USH2A: variants seen among roughly 807,000 people sequenced by gnomAD.
The protein encoded by USH2A is usherin.
A neutral mutation model predicts 538.9 loss-of-function variants in USH2A; 443 were observed. The ratio of observed to expected loss-of-function variants is 0.82; its 90% CI spans 0.76 to 0.89. USH2A has a LOEUF of 0.89. Ranked by LOEUF, USH2A falls within the 40% of genes least tolerant of loss-of-function variation. The probability of loss-of-function intolerance (pLI) is 0.00; values close to 1 mark genes in which losing one functional copy is unlikely to be tolerated. For synonymous variants in USH2A, 2,413 were observed against 2,273.5 expected, an observed-to-expected ratio of 1.06 and a Z score of -1.75; for missense variants, 6,633 against 6,324.8, an observed-to-expected ratio of 1.05 and a Z score of -1.65.
At chr1:215,838,214 T>C in intron 46 of USH2A, 111 bp from the exon 47 acceptor site, 1 of 875,840 alleles carries the variant, frequency 1.1e-6, no homozygotes, top group Non-Finnish European at 1.9e-6. Context: ...TATTTCTCTA[T>C]AGCCTCTTGA....
chr1:216,278,436 T>G (rs2102591158), intron 11 of USH2A, among the ~76,000 whole-genome samples: 1 of 152,324 alleles, frequency 6.6e-6, no homozygotes, highest in South Asian at 2.1e-4. Flanking sequence ...AGGACCTTTG[T>G]TCCTGTCTTT....
intron 40 of USH2A, among the ~76,000 whole-genome samples, chr1:215,892,399 C>G (rs1348306896): frequency 2.0e-5 from 3 of 151,992 alleles, no homozygotes; most frequent in African/African-American, 7.3e-5. Flanking sequence ...AATGAGTATC[C>G]CCTAAATTTA....
chr1:216,048,737 G>A (rs955143262), intron 30 of USH2A, 90 bp from the exon 31 acceptor site: 7 of 1,078,740 alleles, frequency 6.5e-6, no homozygotes, highest in Admixed American at 1.7e-5. Flanking sequence ...GTGTCTATAA[G>A]AGAGAGAGAC....
rs2038700967 is a variant in USH2A, at chr1:216,370,882, C to T, written c.652-5797G>A. On this transcript the variant is annotated intron_variant, in intron 3 of 71. Transcript: ENST00000307340. Reference sequence around the variant, plus strand: ...TGATTCAGGATTGGTGTCACCACCTCCCACAATAGGAAAGGTGACATCCCC... The same window carrying T: ...TGATTCAGGATTGGTGTCACCACCTTCCACAATAGGAAAGGTGACATCCCC... Among the ~76,000 whole-genome samples the T allele has an allele frequency of 2.0e-5, 3 of 152,172 alleles. No homozygotes were observed. In the South Asian group the frequency reaches 6.2e-4, roughly 32 times the overall value.
rs146851891 is a variant in USH2A at position 215,935,658 on chromosome 1, T to TA, written c.7121-864dup. Among the ~76,000 whole-genome samples, 1,337 of 151,972 alleles carry TA rather than the reference T, an allele frequency of 8.8e-3. 16 individuals carry two copies. Among genetic ancestry groups the TA allele is most frequent in the African/African-American group, 0.031 (1,286 of 41,492 alleles). On this transcript the variant is annotated intron_variant, in intron 37 of 71. Transcript: ENST00000307340. ...ATTAGGTTAAATTTCAGGTTAAGAGTAAAAAATTAGGGTTAAAATAAGAAA... is the reference window on the plus strand; with the variant it reads ...ATTAGGTTAAATTTCAGGTTAAGAGTAAAAAAATTAGGGTTAAAATAAGAAA...
chr1:215,954,556 G>A (rs1667014867), intron 37 of USH2A, among the ~76,000 whole-genome samples: 1 of 116,538 alleles, frequency 8.6e-6, no homozygotes, highest in East Asian at 3.1e-4. Flanking sequence ...ACACACTGGG[G>A]CCTGTTGTGG....
chr1:215,999,981 C>T (rs950793833), intron 33 of USH2A, among the ~76,000 whole-genome samples: 2 of 152,072 alleles, frequency 1.3e-5, no homozygotes, highest in African/African-American at 4.8e-5. Flanking sequence ...ATCAGTAATA[C>T]CAGAAATCAT....
At position 215,638,879 on chromosome 1, in the gene USH2A, G is replaced by A. The variant is rs142368777; in HGVS notation, c.15052+276C>T. Among the ~76,000 whole-genome samples the A allele has an allele frequency of 6.0e-3, 911 of 151,372 alleles. 23 individuals carry two copies. In the South Asian group the frequency reaches 0.07, roughly 12 times the overall value. ...TGTAATCCCAGCTACTCGGGAGGCTGAGGCAGGAGAATCGCTTGAACCCAG... is the reference window on the plus strand; with the variant it reads ...TGTAATCCCAGCTACTCGGGAGGCTAAGGCAGGAGAATCGCTTGAACCCAG... On this transcript the variant is annotated intron_variant, in intron 69 of 71. Coordinates refer to ENST00000307340, the MANE Select transcript of USH2A (RefSeq NM_206933.4).
At chr1:216,066,804 A>G (rs2031389120) in intron 30 of USH2A, among the ~76,000 whole-genome samples, 3 of 152,194 alleles carry the variant, frequency 2.0e-5, no homozygotes, top group African/African-American at 7.2e-5. Flanking sequence ...TGAGGTAAAT[A>G]TCACTCTCCC....
chr1:215,868,615 G>T (rs552403551), intron 43 of USH2A, among the ~76,000 whole-genome samples: 1 of 152,080 alleles, frequency 6.6e-6, no homozygotes, highest in East Asian at 1.9e-4. Context: ...CTGTGAACAC[G>T]ACCTTATTGG....
chr1:215,650,360 TA>T (rs1657014370), intron 65 of USH2A, among the ~76,000 whole-genome samples: 2 of 152,178 alleles, frequency 1.3e-5, no homozygotes, highest in Non-Finnish European at 2.9e-5. Context: ...GTGGAGTCTT[TA>T]ATACCACCTT....
At chr1:215,685,661 A>G (rs1329954308) in intron 61 of USH2A, among the ~76,000 whole-genome samples, 1 of 151,176 alleles carries the variant, frequency 6.6e-6, no homozygotes, top group Non-Finnish European at 1.5e-5. Flanking sequence ...CCTGGCCATC[A>G]AATCAGTCTT....
Position 216,422,357 on chromosome 1 carries a change from C to A in USH2A, c.-21G>T, listed in dbSNP as rs570564406. 6.2e-7 allele frequency: 1 copy of A among 1,613,476 alleles called. No individual in the cohort carries two copies. The highest frequency in any genetic ancestry group is 8.5e-7 in the Non-Finnish European group (1 of 1,179,786). ...TTCATGTTTACAAAAAAGCATTCTC[C>A]TCCTGATAAAGCATTTCTAAATAAA... On this transcript the variant is annotated 5_prime_UTR_variant, in exon 2 of 72. It adds an upstream start codon to the 5' untranslated region. Coordinates refer to ENST00000307340, the MANE Select transcript of USH2A (RefSeq NM_206933.4).
intron 29 of USH2A, 89 bp from the exon 30 acceptor site, chr1:216,070,381 T>C (rs2031519917): frequency 8.2e-7 from 1 of 1,216,292 alleles, no homozygotes; most frequent in Non-Finnish European, 1.2e-6. Context: ...CCGCAGTAAA[T>C]CAGACTCAAC....
intron 11 of USH2A, among the ~76,000 whole-genome samples, chr1:216,287,906 C>T (rs1444634171): frequency 6.6e-6 from 1 of 152,150 alleles, no homozygotes; most frequent in Non-Finnish European, 1.5e-5. Context: ...CAGATAATCT[C>T]TCTTTATTCA....
intron 3 of USH2A, among the ~76,000 whole-genome samples, chr1:216,416,275 A>T (rs1193914136): frequency 6.6e-6 from 1 of 152,158 alleles, no homozygotes; most frequent in Non-Finnish European, 1.5e-5. Context: ...TTTAGAGTAA[A>T]TAATTGCTCT....
At chr1:216,141,876 A>G (rs1329848806) in intron 21 of USH2A, among the ~76,000 whole-genome samples, 2 of 151,710 alleles carry the variant, frequency 1.3e-5, no homozygotes, top group Non-Finnish European at 2.9e-5. Context: ...ATTACTGAAC[A>G]CCTACATTAG....
intron 15 of USH2A, among the ~76,000 whole-genome samples, chr1:216,211,329 C>A (rs903984870): frequency 3.3e-5 from 5 of 152,118 alleles, no homozygotes; most frequent in Admixed American, 6.5e-5. Context: ...TGGGGGCAGC[C>A]TTGGGGACTG....
At chr1:216,049,652 TGACAGCTTTC>T (rs2030672090) in intron 30 of USH2A, among the ~76,000 whole-genome samples, 1 of 152,204 alleles carries the variant, frequency 6.6e-6, no homozygotes, top group Admixed American at 6.5e-5. Flanking sequence ...CCAATTTTGA[TGACAGCTTTC>T]ATCATTCAAA....
Sources: gnomAD v4.1 joint callset for allele counts (sites outside exome capture counted in the v4.1 genomes callset) on GRCh38, gnomAD v4.1.1 for gene constraint, MANE v1.5 for transcripts, NCBI Gene and HGNC (gene_info 2026-07-23, HGNC 2026-07-21) for gene names.